SLC2A7: variants seen among roughly 807,000 people sequenced by gnomAD.
SLC2A7 encodes the protein solute carrier family 2 member 7.
A neutral mutation model predicts 50.5 loss-of-function variants in SLC2A7; 50 were observed. That is an observed-to-expected ratio of 0.99 (90% CI 0.79 to 1.25). SLC2A7 has a LOEUF of 1.25. SLC2A7 is among the 50% of genes most tolerant of loss of function. The probability of loss-of-function intolerance (pLI) is 0.00; values close to 1 mark genes in which losing one functional copy is unlikely to be tolerated. For missense variants in SLC2A7, 683 were observed against 679.1 expected (o/e 1.01, Z -0.06); for synonymous variants, 308 against 300.4 (o/e 1.03, Z -0.26).
chr1:9,009,696 G>T (rs1345354564), intron 9 of SLC2A7, among the ~76,000 whole-genome samples: 2 of 152,166 alleles, frequency 1.3e-5, no homozygotes, highest in Non-Finnish European at 2.9e-5. Flanking sequence ...GGGCTCAATG[G>T]GTCCTCCTGC....
At chr1:8,998,832 G>T (rs1474131587), downstream of SLC2A7, among the ~76,000 whole-genome samples, 1 of 152,088 alleles carries the variant, frequency 6.6e-6, no homozygotes, top group East Asian at 1.9e-4. Context: ...TATATTATTG[G>T]AGTCTGCTTG....
chr1:9,014,911 C>T (rs986713854), intron 6 of SLC2A7, 43 bp from the exon 7 acceptor site: 9 of 1,536,314 alleles, frequency 5.9e-6, no homozygotes, highest in Non-Finnish European at 6.1e-6. Context: ...CGTCTCCCTG[C>T]AGGCTGGGCC....
In SLC2A7 at chr1:9,023,835, C is replaced by CTT. The variant is rs1557653846; in HGVS notation, c.151-759_151-758dup. On this transcript the variant is annotated intron_variant, in intron 2 of 11. Transcript: ENST00000400906. ...CAGAGGCACCATAGGAAATATTCTT[C>CTT]TTCTTTTTTTTTTTTTTTTTTTTTT... Among the ~76,000 whole-genome samples, 291 of 65,968 alleles carry CTT rather than the reference C, an allele frequency of 4.4e-3. 33 individuals are homozygous for CTT. Among genetic ancestry groups the CTT allele is most frequent in the East Asian group, 7.3e-3 (11 of 1,504 alleles). The allele number at this position is 65,968 out of a possible 152,430, so 43.3% of individuals were successfully genotyped here. A position where few individuals can be genotyped will look rare whatever the true frequency, so the allele number is the denominator to read the frequency against.
chr1:9,004,726 G>A lies in SLC2A7; in HGVS notation c.1320+26C>T, dbSNP rs750011639. 9 of 1,612,980 alleles carry A rather than the reference G, an allele frequency of 5.6e-6. 1 individual carries two copies. Among genetic ancestry groups the A allele is most frequent in the African/African-American group, 5.3e-5 (4 of 74,882 alleles). ...TTACTCCCTGGAGGCCCGGTGGAGC[G>A]GGTTGGGGAAGGGGCCCTCACTCAC... On this transcript the variant is annotated intron_variant, in intron 11 of 11. Coordinates refer to ENST00000400906, the MANE Select transcript of SLC2A7 (RefSeq NM_207420.3).
downstream of SLC2A7, among the ~76,000 whole-genome samples, chr1:9,000,903 C>T (rs1406165141): frequency 6.6e-6 from 1 of 152,026 alleles, no homozygotes; most frequent in East Asian, 1.9e-4. Flanking sequence ...GAAGAAGCCT[C>T]TAGACAGCTC....
chr1:9,013,584 GAGC>G lies in SLC2A7; in HGVS notation c.952_954del (p.Ala318del). The G allele has an allele frequency of 6.2e-7, 1 of 1,614,112 alleles. No individual in the cohort carries two copies. Among genetic ancestry groups the G allele is most frequent in the East Asian group, 2.2e-5 (1 of 44,874 alleles). On this transcript the variant is annotated inframe_deletion, in exon 8 of 12. Transcript: ENST00000400906. ...GAGCCCACCGTTACATATTGGGAGTGAGCGGCCTCCACGCCCGCAGATGTGTAG... is the reference window on the plus strand; with the variant it reads ...GAGCCCACCGTTACATATTGGGAGTGGGCCTCCACGCCCGCAGATGTGTAG...
At position 9,014,788 on chromosome 1, in the gene SLC2A7, C is replaced by A; in HGVS notation, c.796G>T (p.Glu266Ter). 1 of 1,600,072 alleles carries A rather than the reference C, an allele frequency of 6.2e-7. No individual in the cohort carries two copies. Among genetic ancestry groups the A allele is most frequent in the Non-Finnish European group, 8.5e-7 (1 of 1,174,294 alleles). The change falls in exon 7 of 12, where the codon GAG (glutamate) becomes TAG (stop). Residue 266 changes from glutamate (E) to a stop codon, truncating the protein, a stop_gained. Transcript: ENST00000400906. LOFTEE classifies it high-confidence loss of function. ...AGGTGCAGCACAGACAGGTGGCCCT[C>A]GGCGCGCTCGGCCCGGGCCTCCGCA... ...MRAEARAERA[E>*]GHLSVLHLCA...
intron 3 of SLC2A7, among the ~76,000 whole-genome samples, chr1:9,022,243 G>A (rs1006060055): frequency 6.6e-6 from 1 of 152,190 alleles, no homozygotes; most frequent in African/African-American, 2.4e-5. Flanking sequence ...CTGTGAGTCC[G>A]AATGAGTGGG....
chr1:9,005,418 G>A (rs1431128151), intron 10 of SLC2A7, among the ~76,000 whole-genome samples: 3 of 152,022 alleles, frequency 2.0e-5, no homozygotes, highest in African/African-American at 4.8e-5. Flanking sequence ...TTCCCTAATC[G>A]CCACTCCCAT....
chr1:9,020,499 G>A (rs1418742210), intron 3 of SLC2A7, among the ~76,000 whole-genome samples: 1 of 151,696 alleles, frequency 6.6e-6, no homozygotes, highest in Admixed American at 6.6e-5. Context: ...CCACTCATCT[G>A]CTTGACTCTG....
Position 9,026,301 on chromosome 1 carries a change from C to A in SLC2A7, c.45G>T (p.Arg15Ser). 3 of 1,609,322 alleles carry A rather than the reference C, an allele frequency of 1.9e-6. No homozygotes were observed. The highest frequency in any genetic ancestry group is 2.5e-6 in the Non-Finnish European group (3 of 1,177,704). Residue 15 changes from arginine to serine, a missense_variant, in exon 1 of 12, where the codon AGG becomes AGT. Coordinates refer to ENST00000400906, the MANE Select transcript of SLC2A7 (RefSeq NM_207420.3). ...TCCTAGTCTTGGCACTTACCCCCTC[C>A]CTGGATGGAATGGGTGGAGGGGTTC... ...EAGTPPPIPS[R>S]EGRLQPTLLL...
chr1:9,010,880 G>A (rs1452886039), intron 8 of SLC2A7, among the ~76,000 whole-genome samples: 1 of 152,148 alleles, frequency 6.6e-6, no homozygotes, highest in Non-Finnish European at 1.5e-5. Flanking sequence ...GACCTTTATG[G>A]CCCTGGAGGG....
chr1:9,015,772 G>A (rs1640821246), intron 5 of SLC2A7, among the ~76,000 whole-genome samples: 1 of 147,822 alleles, frequency 6.8e-6, no homozygotes, highest in Non-Finnish European at 1.5e-5. Flanking sequence ...CAGCCAAGCC[G>A]AAGTGCAATG....
In SLC2A7 at chr1:9,008,076, G is replaced by A. The variant is rs1412239291; in HGVS notation, c.1117-691C>T. ...TCTCTGGAGACTCCTAGGACCCCCG[G>A]ACCCGTGGAGCTGGCAGACCACCAT... On this transcript the variant is annotated intron_variant, in intron 9 of 11. Transcript: ENST00000400906. This position sits in a 1 kb window ranked among gnomAD's most constrained non-coding sequence, Gnocchi z 5.9. 6.6e-6 allele frequency among the ~76,000 whole-genome samples: 1 copy of A among 152,054 alleles called. No individual in the cohort carries two copies. The highest frequency in any genetic ancestry group is 2.4e-5 in the African/African-American group (1 of 41,380).
chr1:9,000,199 G>A (rs1640555889), downstream of SLC2A7, among the ~76,000 whole-genome samples: 1 of 152,264 alleles, frequency 6.6e-6, no homozygotes, highest in Admixed American at 6.5e-5. Context: ...GCTGACTCCT[G>A]TAATCTTCAG....
rs757641197 is a variant in SLC2A7 at position 9,007,354 on chromosome 1, A to G, written c.1148T>C (p.Ile383Thr). 4 of 1,614,210 alleles carry G rather than the reference A, an allele frequency of 2.5e-6. No individual in the cohort carries two copies. The highest frequency in any genetic ancestry group is 1.1e-5 in the South Asian group (1 of 91,082). Residue 383 changes from isoleucine (I) to threonine (T), a missense_variant, in exon 10 of 12, where the codon ATC becomes ACC. Physicochemically the swap from Ile to Thr is moderately conservative, Grantham distance 89 (BLOSUM62 -1). Transcript: ENST00000400906. ...NRVPELSYLGIICVFAYIAGH... is the reference protein window; with the variant it reads ...NRVPELSYLGTICVFAYIAGH... ...CGCGATGTAGGCAAAGACACAGATG[A>G]TGCCGAGGTAGGACAGCTCGGGGAC...
intron 11 of SLC2A7, among the ~76,000 whole-genome samples, chr1:9,004,439 A>C (rs1023010633): frequency 3.8e-4 from 57 of 151,998 alleles, no homozygotes; most frequent in African/African-American, 1.3e-3. Context: ...TGTCTTCGGA[A>C]CAGAGGAAGG....
In SLC2A7 at chr1:9,019,228, C is replaced by G. The variant is rs756627598; in HGVS notation, c.417G>C (p.Val139=). 1 of 1,614,040 alleles carries G rather than the reference C, an allele frequency of 6.2e-7. No homozygotes were observed. The highest frequency in any genetic ancestry group is 1.7e-5 in the Admixed American group (1 of 60,010). The change falls in exon 4 of 12, where the codon GTG becomes GTC. Residue 139 remains valine, a synonymous_variant. Transcript: ENST00000400906. ...KAFELIVFSR[V]VLGVCAGISY... is the part of the protein sequence containing the mutation. ...AGGTACCTGCACAGACTCCCAGCAC[C>G]ACTCGGGAAAAGACGATCAGCTCAA...
chr1:8,995,210 A>G, the SLC2A7 span, among the ~76,000 whole-genome samples: 1 of 151,626 alleles, frequency 6.6e-6, no homozygotes, highest in Non-Finnish European at 1.5e-5. Flanking sequence ...GCACTTTGGG[A>G]GGCCGTCGCG....
Sources: gnomAD v4.1 joint callset for allele counts (sites outside exome capture counted in the v4.1 genomes callset) on GRCh38, gnomAD v4.1.1 for gene constraint, Gnocchi (gnomAD v3.1) non-coding constraint, MANE v1.5 for transcripts, NCBI Gene and HGNC (gene_info 2026-07-23, HGNC 2026-07-21) for gene names.